The following CREB3L1 variants were observed in gnomAD, a reference collection of about 807,000 sequenced individuals.
CREB3L1 encodes the protein cAMP responsive element binding protein 3 like 1, also known as cyclic AMP-responsive element-binding protein 3-like protein 1.
Under a neutral mutation model 54.5 loss-of-function variants are expected in CREB3L1, and 33 were observed. The ratio of observed to expected loss-of-function variants is 0.61; its 90% CI spans 0.46 to 0.81. The LOEUF is 0.81. Ranked by LOEUF, CREB3L1 falls within the 30% of genes least tolerant of loss-of-function variation. The pLI is 0.00. For missense variants in CREB3L1, 656 were observed against 673.3 expected (o/e 0.97, Z 0.29); for synonymous variants, 284 against 286.4 (o/e 0.99, Z 0.08).
intron 1 of CREB3L1, among the ~76,000 whole-genome samples, chr11:46,298,142 A>G (rs1939240627): frequency 6.6e-6 from 1 of 152,018 alleles, no homozygotes; most frequent in Non-Finnish European, 1.5e-5. Flanking sequence ...TTCATCTCCT[A>G]CTCCATGCAG....
rs530604487 is a variant in CREB3L1, at chr11:46,298,129, G to A, written c.103-1806G>A. On this transcript the variant is annotated intron_variant, in intron 1 of 11. Transcript: ENST00000621158. ...GCACGTCTATGTGACTCCAGAGCTC[G>A]TGTTCATCTCCTACTCCATGCAGAC... is the stretch of plus-strand genomic sequence containing the variant. Among the ~76,000 whole-genome samples, 6 of 152,264 alleles carry A rather than the reference G, an allele frequency of 3.9e-5. No individual in the cohort carries two copies. In the East Asian group the frequency reaches 9.7e-4, roughly 24 times the overall value.
chr11:46,299,697 G>A (rs956340568), intron 1 of CREB3L1, among the ~76,000 whole-genome samples: 1 of 152,188 alleles, frequency 6.6e-6, no homozygotes, highest in Non-Finnish European at 1.5e-5. Context: ...GGAGCTGGTG[G>A]TAGAGAGAAT....
Position 46,310,051 on chromosome 11 carries a change from C to A in CREB3L1, c.579C>A (p.Phe193Leu). Reference protein sequence around the residue: ...IKAEPLEVNQFLKVTPEDLVQ... With the variant: ...IKAEPLEVNQLLKVTPEDLVQ... ...CAGAGCCTCTGGAGGTGAACCAGTT[C>A]CTCAAAGTGACACCGGGTAGGTGTG... is the stretch of plus-strand genomic sequence containing the variant. The change falls in exon 4 of 12, where the codon TTC (phenylalanine) becomes TTA (leucine). Residue 193 changes from phenylalanine to leucine, a missense_variant. By Grantham distance (22) the Phe-to-Leu change is conservative. Transcript: ENST00000621158. 6.3e-7 allele frequency: 1 copy of A among 1,597,266 alleles called. No homozygotes were observed. The highest frequency in any genetic ancestry group is 1.1e-5 in the South Asian group (1 of 87,882).
chr11:46,301,500 G>C (rs1164664118), intron 2 of CREB3L1, among the ~76,000 whole-genome samples: 1 of 152,040 alleles, frequency 6.6e-6, no homozygotes, highest in Non-Finnish European at 1.5e-5. Flanking sequence ...AGCCCAGCAT[G>C]ATGCCCTCCA....
Position 46,295,658 on chromosome 11 carries a change from G to A in CREB3L1, c.103-4277G>A, listed in dbSNP as rs1939200045. On this transcript the variant is annotated intron_variant, in intron 1 of 11. Coordinates refer to ENST00000621158, the MANE Select transcript of CREB3L1 (RefSeq NM_052854.4). This position sits in a 1 kb window ranked among gnomAD's most constrained non-coding sequence, Gnocchi z 4.6. ...ACGCCGCCACCGGCTGCTGCTCGCA[G>A]CCTCCCGCCATTGGCCAGGAGCTCT... 6.6e-6 allele frequency among the ~76,000 whole-genome samples: 1 copy of A among 152,232 alleles called. No homozygotes were observed. The highest frequency in any genetic ancestry group is 2.4e-5 in the African/African-American group (1 of 41,476).
chr11:46,296,175 A>G (rs1274223659), intron 1 of CREB3L1, among the ~76,000 whole-genome samples: 1 of 151,648 alleles, frequency 6.6e-6, no homozygotes, highest in Non-Finnish European at 1.5e-5. Context: ...GACAATCTAA[A>G]CCTGAACTTT....
At chr11:46,290,211 T>G in intron 1 of CREB3L1, among the ~76,000 whole-genome samples, 1 of 152,144 alleles carries the variant, frequency 6.6e-6, no homozygotes. Context: ...TCTTTGGGGC[T>G]GGGAGCTCCA....
At chr11:46,312,760 G>T (rs1939511017) in intron 7 of CREB3L1, 90 bp downstream of exon 7, 6 of 1,549,264 alleles carry the variant, frequency 3.9e-6, no homozygotes, top group African/African-American at 1.4e-5. Context: ...GAGGCAGGGG[G>T]CACAGGGAGT....
chr11:46,302,176 A>ATAATAATAATAAT (rs1939313722), intron 2 of CREB3L1, among the ~76,000 whole-genome samples: 2 of 112,110 alleles, frequency 1.8e-5, no homozygotes, highest in Non-Finnish European at 3.5e-5. Flanking sequence ...TCAAATAATA[A>ATAATAATAATAAT]TAATAATAAT....
At chr11:46,287,908 G>A (rs1226940733) in intron 1 of CREB3L1, among the ~76,000 whole-genome samples, 3 of 151,376 alleles carry the variant, frequency 2.0e-5, no homozygotes, top group Non-Finnish European at 2.9e-5. Context: ...CCCAGGAGGC[G>A]GAGGTTGCAG....
At chr11:46,315,003 C>G (rs903294651) in intron 8 of CREB3L1, among the ~76,000 whole-genome samples, 7 of 152,162 alleles carry the variant, frequency 4.6e-5, no homozygotes, top group Non-Finnish European at 1.0e-4. Flanking sequence ...GCCACCACAC[C>G]CCACCATTAT....
chr11:46,289,186 T>G (rs1939099492), intron 1 of CREB3L1, among the ~76,000 whole-genome samples: 1 of 152,096 alleles, frequency 6.6e-6, no homozygotes, highest in African/African-American at 2.4e-5. Flanking sequence ...AAGACCAACC[T>G]GGACAACACA....
rs1489712228 is a variant in CREB3L1 at position 46,312,607 on chromosome 11, T to A, written c.904-5T>A. The stretch of plus-strand genomic sequence containing the variant: ...TAACCCTTGTTTTCGGGCCTCCCCC[T>A]CTAGATCTCAGCCCAGGAGAGCCGT... On this transcript the variant is annotated splice_region_variant and splice_polypyrimidine_tract_variant and intron_variant, in intron 6 of 11. Transcript: ENST00000621158. The A allele has an allele frequency of 5.8e-5, 94 of 1,611,398 alleles. No individual in the cohort carries two copies. Among genetic ancestry groups the A allele is most frequent in the Non-Finnish European group, 7.9e-5 (93 of 1,178,758 alleles).
intron 1 of CREB3L1, among the ~76,000 whole-genome samples, chr11:46,290,370 G>C (rs546926482): frequency 1.3e-5 from 2 of 152,208 alleles, no homozygotes; most frequent in East Asian, 3.9e-4. Flanking sequence ...CTCCTCCTGA[G>C]CCCAGCCCAG....
chr11:46,313,020 A>T, intron 8 of CREB3L1, 101 bp downstream of exon 8: 1 of 879,028 alleles, frequency 1.1e-6, no homozygotes, highest in East Asian at 2.7e-5. Flanking sequence ...GAGAGAACTA[A>T]GTTTAGGATG....
At chr11:46,316,201 T>C in intron 8 of CREB3L1, 85 bp from the exon 9 acceptor site, 2 of 840,840 alleles carry the variant, frequency 2.4e-6, no homozygotes, top group South Asian at 1.6e-5. Context: ...AGGCCAAGTC[T>C]GGAGCCAGCC....
chr11:46,278,848 C>T lies in CREB3L1; in HGVS notation c.102+635C>T, dbSNP rs1042053409. On this transcript the variant is annotated intron_variant, in intron 1 of 11. Transcript: ENST00000621158. This position sits in a 1 kb window ranked among gnomAD's most constrained non-coding sequence, Gnocchi z 4.2. ...CTCCATCTGCCTCTAGATCTCTGCT[C>T]TGTCCCTCTGTTCCTGGAGTCTGGC... is the stretch of plus-strand genomic sequence containing the variant. Among the ~76,000 whole-genome samples the T allele has an allele frequency of 2.0e-5, 3 of 152,216 alleles. No homozygotes were observed. The highest frequency in any genetic ancestry group is 2.9e-5 in the Non-Finnish European group (2 of 68,036).
At chr11:46,282,044 A>G (rs759654808) in intron 1 of CREB3L1, among the ~76,000 whole-genome samples, 21 of 152,126 alleles carry the variant, frequency 1.4e-4, no homozygotes, top group South Asian at 6.2e-4. Flanking sequence ...CCCAGTGTTG[A>G]GGGAACAGTT....
At position 46,278,842 on chromosome 11, in the gene CREB3L1, T is replaced by C. The variant is rs1439179983; in HGVS notation, c.102+629T>C. 2.0e-5 allele frequency among the ~76,000 whole-genome samples: 3 copies of C among 152,222 alleles called. No individual in the cohort carries two copies. The highest frequency in any genetic ancestry group is 4.4e-5 in the Non-Finnish European group (3 of 68,036). On this transcript the variant is annotated intron_variant, in intron 1 of 11. Transcript: ENST00000621158. The surrounding 1 kb of genome is among the most constrained non-coding windows in gnomAD (Gnocchi z 4.2). The stretch of plus-strand genomic sequence containing the variant: ...ATTTCTCTCCATCTGCCTCTAGATC[T>C]CTGCTCTGTCCCTCTGTTCCTGGAG...
Sources: gnomAD v4.1 joint callset for allele counts (sites outside exome capture counted in the v4.1 genomes callset) on GRCh38, gnomAD v4.1.1 for gene constraint, Gnocchi (gnomAD v3.1) non-coding constraint, MANE v1.5 for transcripts, NCBI Gene and HGNC (gene_info 2026-07-23, HGNC 2026-07-21) for gene names.